RAB11FIP2: variants seen among roughly 807,000 people sequenced by gnomAD.
RAB11FIP2 encodes RAB11 family interacting protein 2.
Under a neutral mutation model 40.9 loss-of-function variants are expected in RAB11FIP2, and 16 were observed. The observed-to-expected ratio is 0.39, with a 90% CI of 0.26 to 0.59. RAB11FIP2 has a LOEUF of 0.59. Ranked by LOEUF, RAB11FIP2 falls within the 20% of genes least tolerant of loss-of-function variation. The probability of loss-of-function intolerance (pLI) is 0.53; values close to 1 mark genes in which losing one functional copy is unlikely to be tolerated. For missense variants in RAB11FIP2, 532 were observed against 606.2 expected (o/e 0.88, Z 1.28); for synonymous variants, 228 against 213.7 (o/e 1.07, Z -0.58).
Position 118,009,105 on chromosome 10 carries a change from C to T in RAB11FIP2, c.1432G>A (p.Glu478Lys), listed in dbSNP as rs946616110. The change falls in exon 5 of 5, where the codon GAG becomes AAG. Residue 478 changes from glutamate to lysine, a missense_variant. By Grantham distance (56) the Glu-to-Lys change is moderately conservative. Transcript: ENST00000355624. Reference sequence around the variant, plus strand: ...ACAAGGAGGTTGTCGATGTAGTCCTCGAGTTCCCGGATGTGGGTGTCTTTC... The same window carrying T: ...ACAAGGAGGTTGTCGATGTAGTCCTTGAGTTCCCGGATGTGGGTGTCTTTC... Reference protein sequence around the residue: ...RRKDTHIRELEDYIDNLLVRV... With the variant: ...RRKDTHIRELKDYIDNLLVRV... 9.9e-6 allele frequency: 16 copies of T among 1,613,576 alleles called. No homozygotes were observed. The highest frequency in any genetic ancestry group is 1.7e-5 in the Admixed American group (1 of 59,968).
intron 3 of RAB11FIP2, among the ~76,000 whole-genome samples, chr10:118,022,665 A>G (rs963341539): frequency 6.6e-6 from 1 of 152,216 alleles, no homozygotes; most frequent in Non-Finnish European, 1.5e-5. Context: ...ATGGTATAAA[A>G]GTTTGCTTCT....
intron 3 of RAB11FIP2, among the ~76,000 whole-genome samples, chr10:118,020,764 G>A (rs545841162): frequency 1.2e-4 from 18 of 152,174 alleles, no homozygotes; most frequent in Admixed American, 9.8e-4. Flanking sequence ...TCAATTATTC[G>A]TTTTGAGTGT....
intron 3 of RAB11FIP2, among the ~76,000 whole-genome samples, chr10:118,033,401 C>G (rs769031246): frequency 6.6e-6 from 1 of 152,074 alleles, no homozygotes; most frequent in Non-Finnish European, 1.5e-5. Context: ...AAAGAGGATT[C>G]TGCACAACTG....
Position 118,039,110 on chromosome 10 carries a change from T to A in RAB11FIP2, c.1127A>T (p.Asn376Ile). The change falls in exon 3 of 5, where the codon AAC (asparagine) becomes ATC (isoleucine). Residue 376 changes from asparagine (N) to isoleucine (I), a missense_variant. Physicochemically the swap from Asn to Ile is moderately radical, Grantham distance 149 (BLOSUM62 -3). Transcript: ENST00000355624. ...KKDSRRSDKLNNGGSDSPCDL... is the reference protein window; with the variant it reads ...KKDSRRSDKLINGGSDSPCDL... ...ACAAGGGCTATCAGATCCCCCATTGTTAAGTTTATCAGATCTTCTGCTATC... is the reference window on the plus strand; with the variant it reads ...ACAAGGGCTATCAGATCCCCCATTGATAAGTTTATCAGATCTTCTGCTATC... 1 of 1,613,844 alleles carries A rather than the reference T, an allele frequency of 6.2e-7. No homozygotes were observed. Among genetic ancestry groups the A allele is most frequent in the Non-Finnish European group, 8.5e-7 (1 of 1,179,808 alleles).
At chr10:118,042,255 G>A (rs1227432154) in intron 1 of RAB11FIP2, among the ~76,000 whole-genome samples, 2 of 152,042 alleles carry the variant, frequency 1.3e-5, no homozygotes, top group Admixed American at 6.5e-5. Flanking sequence ...AAGCAAATAT[G>A]AGTAAAAAAA....
intron 2 of RAB11FIP2, 43 bp from the exon 3 acceptor site, chr10:118,039,483 A>G: frequency 1.3e-6 from 2 of 1,484,814 alleles, no homozygotes; most frequent in East Asian, 4.5e-5. Context: ...GTGACACATT[A>G]CATCACACTA....
Position 118,009,013 on chromosome 10 carries a change from T to C in RAB11FIP2, c.1524A>G (p.Lys508=). Residue 508 remains lysine, a synonymous_variant, in exon 5 of 5, where the codon AAA becomes AAG. Coordinates refer to ENST00000355624, the MANE Select transcript of RAB11FIP2 (RefSeq NM_014904.3). ...VPYEPSRKAG[K]FSNS ...ATTGGCTTTATTAACTGTTAGAGAA[T>C]TTGCCAGCTTTCCTGGATGGTTCAT... is the stretch of plus-strand genomic sequence containing the variant. 1 of 1,610,456 alleles carries C rather than the reference T, an allele frequency of 6.2e-7. No individual in the cohort carries two copies. Among genetic ancestry groups the C allele is most frequent in the Non-Finnish European group, 8.5e-7 (1 of 1,176,818 alleles).
chr10:118,024,255 CCAA>C (rs1410999031), intron 3 of RAB11FIP2, among the ~76,000 whole-genome samples: 4 of 151,908 alleles, frequency 2.6e-5, no homozygotes, highest in African/African-American at 4.8e-5. Flanking sequence ...AAGAATAAAT[CCAA>C]CAACAAGCAT....
chr10:118,043,290 T>C (rs1435481897), intron 1 of RAB11FIP2, among the ~76,000 whole-genome samples: 1 of 152,100 alleles, frequency 6.6e-6, no homozygotes, highest in Non-Finnish European at 1.5e-5. Flanking sequence ...CTCTACAGAC[T>C]CTGGTTGTTA....
chr10:118,024,419 C>A (rs988104225), intron 3 of RAB11FIP2, among the ~76,000 whole-genome samples: 1 of 151,348 alleles, frequency 6.6e-6, no homozygotes, highest in African/African-American at 2.4e-5. Context: ...GTCTGTTCCC[C>A]TGAGTAGACC....
rs530188147 is a variant in RAB11FIP2, at chr10:118,044,932, G to T, written c.353+879C>A. ...AATATAATGTCCTTTTAAGTTTATG[G>T]AAGGGGTGAGTATACTTAACTCTAA... is the stretch of plus-strand genomic sequence containing the variant. On this transcript the variant is annotated intron_variant, in intron 1 of 4. Transcript: ENST00000355624. 2.8e-4 allele frequency among the ~76,000 whole-genome samples: 42 copies of T among 152,150 alleles called. No individual in the cohort carries two copies. The South Asian group carries it at 8.3e-3, about 30-fold the overall frequency.
chr10:118,005,809 A>T lies in RAB11FIP2; in HGVS notation c.*3189T>A, dbSNP rs1343241616. 3 of 152,278 alleles carry T rather than the reference A, an allele frequency of 2.0e-5. No individual in the cohort carries two copies. Among genetic ancestry groups the T allele is most frequent in the African/African-American group, 4.8e-5 (2 of 41,356 alleles). 9.4% of individuals were successfully genotyped at this position (152,278 alleles called of 1,614,324 possible). Reference sequence around the variant, plus strand: ...GAATAAGCACCCTTCCGGGGATGGTAGGCAGGGAGGCGTGGTGGTGAGGGA... The same window carrying T: ...GAATAAGCACCCTTCCGGGGATGGTTGGCAGGGAGGCGTGGTGGTGAGGGA... On this transcript the variant is annotated 3_prime_UTR_variant, in exon 5 of 5. Transcript: ENST00000355624.
chr10:118,014,179 C>T (rs564676792), intron 4 of RAB11FIP2, among the ~76,000 whole-genome samples: 1 of 152,162 alleles, frequency 6.6e-6, no homozygotes, highest in South Asian at 2.1e-4. Flanking sequence ...CCCACCTTAG[C>T]TTCTTCTAGC....
At position 118,008,993 on chromosome 10, in the gene RAB11FIP2, C is replaced by T. The variant is rs984711362; in HGVS notation, c.*5G>A. ...CCAATTATCAATACAATACAATTGG[C>T]TTTATTAACTGTTAGAGAATTTGCC... is the stretch of plus-strand genomic sequence containing the variant. On this transcript the variant is annotated 3_prime_UTR_variant, in exon 5 of 5. Transcript: ENST00000355624. 1.9e-6 allele frequency: 3 copies of T among 1,593,248 alleles called. No homozygotes were observed. Among genetic ancestry groups the T allele is most frequent in the South Asian group, 2.2e-5 (2 of 90,634 alleles).
intron 3 of RAB11FIP2, among the ~76,000 whole-genome samples, chr10:118,037,721 T>C (rs534345185): frequency 4.5e-4 from 68 of 152,214 alleles, no homozygotes; most frequent in African/African-American, 1.6e-3. Context: ...GTACACTCTA[T>C]AATATTGTCT....
At chr10:118,030,466 CTTG>C (rs1846399562) in intron 3 of RAB11FIP2, among the ~76,000 whole-genome samples, 1 of 152,114 alleles carries the variant, frequency 6.6e-6, no homozygotes, top group Non-Finnish European at 1.5e-5. Flanking sequence ...CTCCATAGGT[CTTG>C]TTAATTACCC....
chr10:118,022,930 G>A (rs1022165974), intron 3 of RAB11FIP2, among the ~76,000 whole-genome samples: 1 of 152,124 alleles, frequency 6.6e-6, no homozygotes, highest in Non-Finnish European at 1.5e-5. Flanking sequence ...CCCAAAGAGT[G>A]GAAGAAATAA....
At chr10:118,030,636 G>A (rs1348953489) in intron 3 of RAB11FIP2, among the ~76,000 whole-genome samples, 1 of 151,200 alleles carries the variant, frequency 6.6e-6, no homozygotes, top group South Asian at 2.1e-4. Context: ...ACTAGTTTTT[G>A]TGAATTTTTT....
At chr10:118,039,964 C>A in intron 2 of RAB11FIP2, 159 bp downstream of exon 2, 2 of 607,782 alleles carry the variant, frequency 3.3e-6, no homozygotes. Context: ...AAGGAACTTA[C>A]CAATTTGAGG....
Sources: gnomAD v4.1 joint callset for allele counts (sites outside exome capture counted in the v4.1 genomes callset) on GRCh38, gnomAD v4.1.1 for gene constraint, MANE v1.5 for transcripts, NCBI Gene and HGNC (gene_info 2026-07-23, HGNC 2026-07-21) for gene names.